Variants in CSMD1 observed in about 807,000 individuals in gnomAD.
CSMD1 encodes the protein CUB and sushi domain-containing protein 1.
CSMD1 carries 213 observed loss-of-function variants against 417.5 expected under a neutral mutation model. That is an observed-to-expected ratio of 0.51 (90% CI 0.46 to 0.57). CSMD1 has a LOEUF of 0.57. Ranked by LOEUF, CSMD1 falls within the 20% of genes least tolerant of loss-of-function variation. The pLI, the probability that CSMD1 is intolerant of heterozygous loss-of-function variation, is 0.00. For synonymous variants in CSMD1, 2,862 were observed against 1,736.8 expected (o/e 1.65, Z -16.11); for missense variants, 6,923 against 4,529.7 (o/e 1.53, Z -15.17).
chr8:4,337,513 T>C (rs1317641104), intron 3 of CSMD1, among the ~76,000 whole-genome samples: 1 of 152,140 alleles, frequency 6.6e-6, no homozygotes, highest in East Asian at 1.9e-4. Context: ...GGATAATTAA[T>C]ACTCAGATCG....
intron 10 of CSMD1, among the ~76,000 whole-genome samples, chr8:3,497,117 T>C (rs1398273893): frequency 6.6e-6 from 1 of 152,216 alleles, no homozygotes; most frequent in Non-Finnish European, 1.5e-5. Context: ...ATGTGTATTA[T>C]GCAGCTGTTG....
At chr8:3,785,675 G>A (rs535791256) in intron 5 of CSMD1, among the ~76,000 whole-genome samples, 6 of 152,194 alleles carry the variant, frequency 3.9e-5, no homozygotes, top group Non-Finnish European at 8.8e-5. Flanking sequence ...CTGAGGGTGA[G>A]TGTGGGCTGT....
chr8:3,178,492 T>A (rs1585566801), intron 37 of CSMD1, among the ~76,000 whole-genome samples: 1 of 152,144 alleles, frequency 6.6e-6, no homozygotes, highest in East Asian at 1.9e-4. Flanking sequence ...GTAGTCTGGA[T>A]ACCTCGCAAG....
At chr8:4,487,189 T>A (rs1169843724) in intron 2 of CSMD1, among the ~76,000 whole-genome samples, 1 of 152,194 alleles carries the variant, frequency 6.6e-6, no homozygotes, top group Admixed American at 6.5e-5. Flanking sequence ...ATTATTATTA[T>A]ACTTTAAGTT....
At chr8:3,613,315 G>C (rs1353699719) in intron 8 of CSMD1, 1 of 415,814 alleles carries the variant, frequency 2.4e-6, no homozygotes, top group Non-Finnish European at 4.8e-6. Flanking sequence ...AGCTTCCCTG[G>C]TGAATTATTC....
At chr8:4,648,259 GGTT>G (rs991444771) in intron 1 of CSMD1, among the ~76,000 whole-genome samples, 2 of 152,028 alleles carry the variant, frequency 1.3e-5, no homozygotes, top group Non-Finnish European at 2.9e-5. Context: ...TTTTTGATGG[GGTT>G]GTTTTTTCTT....
chr8:4,338,698 G>C (rs1268423874), intron 3 of CSMD1, among the ~76,000 whole-genome samples: 1 of 151,984 alleles, frequency 6.6e-6, no homozygotes, highest in African/African-American at 2.4e-5. Context: ...CATAGTTCCG[G>C]TTCTACAAGT....
intron 7 of CSMD1, among the ~76,000 whole-genome samples, chr8:3,629,571 A>G (rs189429881): frequency 7.2e-5 from 11 of 152,300 alleles, no homozygotes; most frequent in Non-Finnish European, 1.2e-4. Context: ...AGACTAAATT[A>G]TTTCAGTGTT....
intron 7 of CSMD1, 80 bp downstream of exon 7, chr8:3,708,334 G>T: frequency 2.6e-6 from 3 of 1,137,548 alleles, no homozygotes; most frequent in Non-Finnish European, 4.0e-6. Context: ...GTGGTGGGTG[G>T]GATCGCTTCT....
chr8:3,722,210 G>C (rs1434176760), intron 6 of CSMD1, among the ~76,000 whole-genome samples: 5 of 152,148 alleles, frequency 3.3e-5, no homozygotes, highest in Non-Finnish European at 7.3e-5. Context: ...TCGGGAGGCT[G>C]AGGCAGGAGA....
rs185158739 is a variant in CSMD1, at chr8:3,033,401, G to A, written c.7661-3888C>T. On this transcript the variant is annotated intron_variant, in intron 50 of 69. Coordinates refer to ENST00000635120, the MANE Select transcript of CSMD1 (RefSeq NM_033225.6). ...ACTACTGATTGTTAGAAAGAGACAA[G>A]CTGTAGTATCAATTGTATTGCTATT... Among the ~76,000 whole-genome samples the A allele has an allele frequency of 3.3e-4, 51 of 152,242 alleles. No individual in the cohort carries two copies. In the South Asian group the frequency reaches 5.8e-3, roughly 17 times the overall value.
At chr8:3,479,657 A>G (rs1229501730) in intron 11 of CSMD1, among the ~76,000 whole-genome samples, 1 of 152,210 alleles carries the variant, frequency 6.6e-6, no homozygotes, top group Non-Finnish European at 1.5e-5. Context: ...CAATCTCATA[A>G]AAAATATAAA....
At chr8:3,830,281 G>T (rs551947437) in intron 5 of CSMD1, among the ~76,000 whole-genome samples, 1 of 152,188 alleles carries the variant, frequency 6.6e-6, no homozygotes, top group Non-Finnish European at 1.5e-5. Context: ...TCACATTACA[G>T]AGCATCTGGC....
At chr8:4,826,593 C>T (rs185017771) in intron 1 of CSMD1, among the ~76,000 whole-genome samples, 3 of 152,244 alleles carry the variant, frequency 2.0e-5, no homozygotes, top group African/African-American at 7.2e-5. Flanking sequence ...CCTTAAACAA[C>T]TGATGGAAGA....
intron 1 of CSMD1, among the ~76,000 whole-genome samples, chr8:4,991,052 A>AGTC (rs1466737795): frequency 6.6e-6 from 1 of 152,044 alleles, no homozygotes; most frequent in African/African-American, 2.4e-5. Flanking sequence ...CTCCTTTAGG[A>AGTC]CGCTTTCTGG....
chr8:4,134,906 A>G (rs1803324625), intron 3 of CSMD1, among the ~76,000 whole-genome samples: 1 of 152,168 alleles, frequency 6.6e-6, no homozygotes, highest in Admixed American at 6.5e-5. Context: ...GCTTTCAATT[A>G]TCTAGTTTTT....
chr8:4,454,000 T>G (rs1438254346), intron 2 of CSMD1, among the ~76,000 whole-genome samples: 1 of 151,738 alleles, frequency 6.6e-6, no homozygotes, highest in Admixed American at 6.6e-5. Context: ...TTTTTGTATT[T>G]TTTAGTAGAG....
At chr8:4,957,344 A>G (rs1470064815) in intron 1 of CSMD1, among the ~76,000 whole-genome samples, 1 of 152,210 alleles carries the variant, frequency 6.6e-6, no homozygotes, top group African/African-American at 2.4e-5. Context: ...GGCAGAGAAG[A>G]GCACATTTGG....
At chr8:3,585,571 T>C (rs73660316) in intron 9 of CSMD1, among the ~76,000 whole-genome samples, 6,841 of 152,210 alleles carry the variant, frequency 0.045, 316 homozygotes, top group East Asian at 0.14. Context: ...CAGTAAAAAA[T>C]AAGTAATTTA....
Sources: allele counts gnomAD v4.1 joint callset (sites outside exome capture counted in the v4.1 genomes callset), GRCh38; gene constraint gnomAD v4.1.1; transcripts MANE v1.5; gene names NCBI Gene and HGNC (gene_info 2026-07-23, HGNC 2026-07-21).